Variants in CDH18 observed in about 807,000 individuals in gnomAD.
The protein encoded by CDH18 is cadherin 18.
CDH18 carries 31 observed loss-of-function variants against 67.9 expected under a neutral mutation model. The ratio of observed to expected loss-of-function variants is 0.46; its 90% CI spans 0.34 to 0.62. The LOEUF is 0.62. CDH18 is among the 20% of genes least tolerant of loss of function. CDH18 has a pLI of 0.01. For synonymous variants in CDH18, 362 were observed against 347.2 expected (o/e 1.04, Z -0.48); for missense variants, 890 against 975.5 (o/e 0.91, Z 1.17).
intron 2 of CDH18, among the ~76,000 whole-genome samples, chr5:19,924,853 G>A (rs1222919535): frequency 6.6e-6 from 1 of 152,034 alleles, no homozygotes; most frequent in Non-Finnish European, 1.5e-5. Context: ...CAACTCTTTA[G>A]GTGGAATTAA....
intron 1 of CDH18, among the ~76,000 whole-genome samples, chr5:20,436,799 C>A (rs1419038737): frequency 1.4e-5 from 2 of 145,688 alleles, no homozygotes; most frequent in Admixed American, 6.8e-5. Context: ...TTGACAGATG[C>A]CAAAAACTAA....
intron 3 of CDH18, among the ~76,000 whole-genome samples, chr5:19,785,118 C>T (rs1398958993): frequency 6.6e-6 from 1 of 152,106 alleles, no homozygotes; most frequent in Non-Finnish European, 1.5e-5. Flanking sequence ...GAGACTATTC[C>T]TGGGTACATA....
At position 20,408,948 on chromosome 5, in the gene CDH18, T is replaced by C. The variant is rs189876165; in HGVS notation, c.-579-153443A>G. On this transcript the variant is annotated intron_variant, in intron 1 of 14. Transcript: ENST00000507958. Reference sequence around the variant, plus strand: ...TCTCAGAAAAAAATTAGACTTTACGTTAAAAACAACTGCAAACTGCAAGAG... The same window carrying C: ...TCTCAGAAAAAAATTAGACTTTACGCTAAAAACAACTGCAAACTGCAAGAG... Among the ~76,000 whole-genome samples, 3 of 151,806 alleles carry C rather than the reference T, an allele frequency of 2.0e-5. No homozygotes were observed. The East Asian group carries it at 5.8e-4, about 29-fold the overall frequency.
At chr5:20,229,422 T>A (rs937545780) in intron 2 of CDH18, among the ~76,000 whole-genome samples, 1 of 152,044 alleles carries the variant, frequency 6.6e-6, no homozygotes, top group East Asian at 1.9e-4. Context: ...GATTAGCACA[T>A]TGGAAAATGT....
chr5:19,732,982 G>A (rs775744248), intron 4 of CDH18, among the ~76,000 whole-genome samples: 10 of 152,126 alleles, frequency 6.6e-5, no homozygotes, highest in Non-Finnish European at 1.0e-4. Flanking sequence ...AGGGAAATCT[G>A]AGTTCCGTTT....
chr5:20,163,569 T>C (rs1355940162), intron 2 of CDH18, among the ~76,000 whole-genome samples: 2 of 152,190 alleles, frequency 1.3e-5, no homozygotes, highest in African/African-American at 4.8e-5. Context: ...AAGATCACCA[T>C]GGACTTAATT....
chr5:20,537,049 C>A (rs886677382), intron 1 of CDH18, among the ~76,000 whole-genome samples: 1 of 152,094 alleles, frequency 6.6e-6, no homozygotes, highest in Admixed American at 6.6e-5. Context: ...TACCACTAGT[C>A]TGTGTCAGAA....
chr5:19,631,927 G>A (rs1319195711), intron 5 of CDH18, among the ~76,000 whole-genome samples: 2 of 151,752 alleles, frequency 1.3e-5, no homozygotes, highest in Non-Finnish European at 2.9e-5. Flanking sequence ...ATTTATTTCG[G>A]TCATACAGTA....
intron 1 of CDH18, among the ~76,000 whole-genome samples, chr5:20,444,071 A>T (rs1749825948): frequency 6.6e-6 from 1 of 151,950 alleles, no homozygotes; most frequent in African/African-American, 2.4e-5. Context: ...AACCCTTTCC[A>T]GTTCTAATAG....
chr5:20,162,105 A>G (rs993956832), intron 2 of CDH18, among the ~76,000 whole-genome samples: 1 of 152,064 alleles, frequency 6.6e-6, no homozygotes, highest in East Asian at 1.9e-4. Context: ...AAGATTTCAC[A>G]CTCTGAGACA....
intron 2 of CDH18, among the ~76,000 whole-genome samples, chr5:20,039,599 G>A (rs1003510422): frequency 6.6e-6 from 1 of 152,110 alleles, no homozygotes; most frequent in African/African-American, 2.4e-5. Context: ...AATGGGGAAA[G>A]GATTCTCCAT....
rs34475393 is a variant in CDH18 at position 20,152,939 on chromosome 5, A to ATT, written c.-518+102503_-518+102504dup. 9.4e-3 allele frequency among the ~76,000 whole-genome samples: 1,184 copies of ATT among 125,850 alleles called. 27 individuals are homozygous for ATT. The highest frequency in any genetic ancestry group is 0.027 in the African/African-American group (918 of 33,858). 82.6% of individuals were successfully genotyped at this position (125,850 alleles called of 152,430 possible). Reference sequence around the variant, plus strand: ...ATATATAGACAACTAAGGATGAGGAATTTTTTTTTTTTTTTTTTTTTGAGA... The same window carrying ATT: ...ATATATAGACAACTAAGGATGAGGAATTTTTTTTTTTTTTTTTTTTTTTGAGA... On this transcript the variant is annotated intron_variant, in intron 2 of 14. Transcript: ENST00000507958.
intron 3 of CDH18, among the ~76,000 whole-genome samples, chr5:19,810,974 G>T (rs1778578333): frequency 6.6e-6 from 1 of 151,472 alleles, no homozygotes; most frequent in Non-Finnish European, 1.5e-5. Flanking sequence ...AGCGAGCTGA[G>T]ATCCTGACAC....
chr5:20,361,610 GC>G (rs1719778049), intron 1 of CDH18, among the ~76,000 whole-genome samples: 1 of 151,972 alleles, frequency 6.6e-6, no homozygotes, highest in African/African-American at 2.4e-5. Context: ...AAAATGCCTT[GC>G]TAGTATATTA....
chr5:20,100,539 G>A (rs899458504), intron 2 of CDH18, among the ~76,000 whole-genome samples: 1 of 151,954 alleles, frequency 6.6e-6, no homozygotes, highest in Non-Finnish European at 1.5e-5. Context: ...GAAGTTTATC[G>A]GTTGTCAACA....
At chr5:20,178,898 T>C (rs1439278438) in intron 2 of CDH18, among the ~76,000 whole-genome samples, 1 of 152,112 alleles carries the variant, frequency 6.6e-6, no homozygotes, top group Non-Finnish European at 1.5e-5. Flanking sequence ...TTCTTGCAAT[T>C]GAATGACTGC....
chr5:20,225,596 T>C (rs1317152969), intron 2 of CDH18, among the ~76,000 whole-genome samples: 3 of 152,102 alleles, frequency 2.0e-5, no homozygotes, highest in African/African-American at 7.2e-5. Flanking sequence ...GGCATGAGTG[T>C]TCTATAAAGA....
At chr5:19,840,826 C>A (rs1183881327) in intron 2 of CDH18, among the ~76,000 whole-genome samples, 1 of 152,124 alleles carries the variant, frequency 6.6e-6, no homozygotes, top group Non-Finnish European at 1.5e-5. Context: ...AGGAAGATTA[C>A]ATTGATTCAC....
At chr5:20,001,500 C>T (rs1736434247) in intron 2 of CDH18, among the ~76,000 whole-genome samples, 1 of 151,946 alleles carries the variant, frequency 6.6e-6, no homozygotes, top group Non-Finnish European at 1.5e-5. Context: ...TCATAAAGAA[C>T]AGAACAAGCT....
Sources: allele counts gnomAD v4.1 joint callset (sites outside exome capture counted in the v4.1 genomes callset), GRCh38; gene constraint gnomAD v4.1.1; transcripts MANE v1.5; gene names NCBI Gene and HGNC (gene_info 2026-07-23, HGNC 2026-07-21).